CUEDC1: variants seen among roughly 807,000 people sequenced by gnomAD.
CUEDC1 encodes CUE domain-containing protein 1.
A neutral mutation model predicts 43.7 loss-of-function variants in CUEDC1; 30 were observed. The observed-to-expected ratio is 0.69, with a 90% CI of 0.51 to 0.93. The LOEUF is 0.93. Ranked by LOEUF, CUEDC1 falls within the 40% of genes least tolerant of loss-of-function variation. The pLI, the probability that CUEDC1 is intolerant of heterozygous loss-of-function variation, is 0.00. For missense variants in CUEDC1, 486 were observed against 549.0 expected (o/e 0.89, Z 1.15); for synonymous variants, 223 against 223.6 (o/e 1.00, Z 0.02).
intron 1 of CUEDC1, among the ~76,000 whole-genome samples, chr17:57,929,759 C>T (rs1185240971): frequency 6.6e-6 from 1 of 152,206 alleles, no homozygotes; most frequent in Non-Finnish European, 1.5e-5. Flanking sequence ...GTCCCTGCAG[C>T]ATCCAAAGTC....
chr17:57,864,286 G>C (rs2073924220), intron 10 of CUEDC1, among the ~76,000 whole-genome samples: 3 of 151,954 alleles, frequency 2.0e-5, no homozygotes, highest in Admixed American at 6.5e-5. Flanking sequence ...AGCTCTGGAA[G>C]CCTAACTGCG....
At chr17:57,870,268 G>A (rs2074016117) in intron 6 of CUEDC1, among the ~76,000 whole-genome samples, 1 of 152,230 alleles carries the variant, frequency 6.6e-6, no homozygotes, top group South Asian at 2.1e-4. Context: ...GCTCAACCCA[G>A]TAGTCTGCGC....
chr17:57,865,058 A>AAATGAATGAATG (rs140245915), intron 10 of CUEDC1, among the ~76,000 whole-genome samples: 19 of 151,718 alleles, frequency 1.3e-4, no homozygotes, highest in African/African-American at 4.1e-4. Flanking sequence ...CTCTGTCTCA[A>AAATGAATGAATG]AATGAATGAA....
At chr17:57,890,549 C>T (rs1305074290) in intron 1 of CUEDC1, among the ~76,000 whole-genome samples, 1 of 152,232 alleles carries the variant, frequency 6.6e-6, no homozygotes. Context: ...GACCTGGAGA[C>T]TGGGAAGCAG....
intron 1 of CUEDC1, among the ~76,000 whole-genome samples, chr17:57,887,880 TTTTC>T (rs1380540974): frequency 6.7e-6 from 1 of 150,222 alleles, no homozygotes; most frequent in Non-Finnish European, 1.5e-5. Flanking sequence ...CGATTTTTTC[TTTTC>T]TTTTTCTTTT....
rs367705373 is a variant in CUEDC1, at chr17:57,933,327, G to A, written c.-316+21898C>T. 3.7e-3 allele frequency among the ~76,000 whole-genome samples: 415 copies of A among 110,936 alleles called. 4 individuals are homozygous for A. The highest frequency in any genetic ancestry group is 9.6e-3 in the African/African-American group (374 of 39,130). The allele number at this position is 110,936 out of a possible 152,430, so 72.8% of individuals were successfully genotyped here. ...GCCTTGATGTTCTAACGTGTTGGTC[G>A]GTTCCTCCATTAGACCAAATCTCTC... On this transcript the variant is annotated intron_variant, in intron 1 of 10. Transcript: ENST00000577830.
chr17:57,926,257 C>T (rs1254982623), intron 1 of CUEDC1, among the ~76,000 whole-genome samples: 1 of 152,166 alleles, frequency 6.6e-6, no homozygotes. Flanking sequence ...ACCAAAGGTG[C>T]CTCTGCATGG....
At chr17:57,916,167 C>T (rs761852649) in intron 1 of CUEDC1, among the ~76,000 whole-genome samples, 9 of 152,266 alleles carry the variant, frequency 5.9e-5, no homozygotes, top group African/African-American at 1.2e-4. Context: ...CCGACTCCTA[C>T]CCAGCAACCC....
chr17:57,920,146 C>G (rs1010050333), intron 1 of CUEDC1, among the ~76,000 whole-genome samples: 1 of 152,156 alleles, frequency 6.6e-6, no homozygotes, highest in Non-Finnish European at 1.5e-5. Flanking sequence ...CTTTTTGATT[C>G]CAGTGACTGT....
chr17:57,950,934 C>T (rs1307417334), intron 1 of CUEDC1, among the ~76,000 whole-genome samples: 2 of 152,136 alleles, frequency 1.3e-5, no homozygotes, highest in Non-Finnish European at 2.9e-5. Flanking sequence ...CCCCAGCTTA[C>T]AGGGCAAATT....
rs1324444242 is a variant in CUEDC1 at position 57,885,568 on chromosome 17, G to A, written c.-4C>T. 3 of 1,352,110 alleles carry A rather than the reference G, an allele frequency of 2.2e-6. No individual in the cohort carries two copies. The highest frequency in any genetic ancestry group is 1.5e-5 in the African/African-American group (1 of 64,962). The allele number at this position is 1,352,110 out of a possible 1,614,324, so 83.8% of individuals were successfully genotyped here. On this transcript the variant is annotated 5_prime_UTR_variant, in exon 2 of 11. Transcript: ENST00000577830. ...TCCGGCGGAACAGGCTGGTCATTTT[G>A]CGGAGCCGCTTGGGGAAAATGTTTC... is the stretch of plus-strand genomic sequence containing the variant.
At chr17:57,897,013 T>G (rs1225575524) in intron 1 of CUEDC1, among the ~76,000 whole-genome samples, 1 of 152,034 alleles carries the variant, frequency 6.6e-6, no homozygotes, top group African/African-American at 2.4e-5. Flanking sequence ...TCTGATAATC[T>G]GCCTGCCTAG....
intron 1 of CUEDC1, among the ~76,000 whole-genome samples, chr17:57,915,456 C>T (rs950322549): frequency 2.0e-5 from 3 of 151,916 alleles, no homozygotes; most frequent in Admixed American, 6.6e-5. Flanking sequence ...ATAGGCATAG[C>T]GTTCAGATAT....
chr17:57,934,010 A>T (rs1184416814), intron 1 of CUEDC1, among the ~76,000 whole-genome samples: 1 of 152,172 alleles, frequency 6.6e-6, no homozygotes. Context: ...TCAAGAAAGA[A>T]TATTTAAAGC....
chr17:57,900,887 A>G (rs1242539853), intron 1 of CUEDC1, among the ~76,000 whole-genome samples: 6 of 152,230 alleles, frequency 3.9e-5, no homozygotes, highest in African/African-American at 1.2e-4. Context: ...CCATCAGTCT[A>G]AGAAGTCAAA....
At chr17:57,869,966 A>G (rs1379879534) in intron 6 of CUEDC1, 1 of 152,286 alleles carries the variant, frequency 6.6e-6, no homozygotes, top group African/African-American at 2.4e-5. Flanking sequence ...ATTCAGGATC[A>G]AGGACAAGAG....
At chr17:57,923,463 C>T (rs183165347) in intron 1 of CUEDC1, among the ~76,000 whole-genome samples, 17 of 152,322 alleles carry the variant, frequency 1.1e-4, no homozygotes, top group African/African-American at 3.8e-4. Flanking sequence ...CCTGCTTTCA[C>T]GTAGAGCTGC....
intron 1 of CUEDC1, among the ~76,000 whole-genome samples, chr17:57,916,003 T>A (rs920063029): frequency 2.0e-5 from 3 of 152,158 alleles, no homozygotes; most frequent in African/African-American, 7.2e-5. Flanking sequence ...CAGATGTAGG[T>A]TTTCCTTAAG....
chr17:57,925,695 C>T (rs2074740529), intron 1 of CUEDC1, among the ~76,000 whole-genome samples: 1 of 152,188 alleles, frequency 6.6e-6, no homozygotes, highest in Non-Finnish European at 1.5e-5. Context: ...ATCTGGGGCA[C>T]AGGAGCCTCC....
Sources: allele counts gnomAD v4.1 joint callset (sites outside exome capture counted in the v4.1 genomes callset), GRCh38; gene constraint gnomAD v4.1.1; transcripts MANE v1.5; gene names NCBI Gene and HGNC (gene_info 2026-07-23, HGNC 2026-07-21).